Variants in CENPE observed in about 807,000 individuals in gnomAD.
CENPE encodes centromere protein E.
Under a neutral mutation model 336.1 loss-of-function variants are expected in CENPE, and 145 were observed. The ratio of observed to expected loss-of-function variants is 0.43; its 90% confidence interval spans 0.38 to 0.50. The LOEUF is 0.50. Among genes scored for constraint, CENPE ranks in the 20% least tolerant of loss-of-function variants. The pLI is 0.00. For synonymous variants in CENPE, 1,013 were observed against 984.8 expected (o/e 1.03, Z -0.54); for missense variants, 2,719 against 3,023.3 (o/e 0.90, Z 2.36).
chr4:103,145,255 T>C lies in CENPE; in HGVS notation c.4652A>G (p.Lys1551Arg), dbSNP rs1752926501. The C allele has an allele frequency of 1.2e-6, 2 of 1,612,460 alleles. No homozygotes were observed. The highest frequency in any genetic ancestry group is 1.7e-5 in the Admixed American group (1 of 59,966). ...GGCTTTGCGATGCTCCTTGAATTGT[T>C]TCAGTTCATTCACTTTTTCCTGAAC... is the stretch of plus-strand genomic sequence containing the variant. ...SEVQEKVNEL[K>R]QFKEHRKAKD... The change falls in exon 32 of 49, where the codon AAA (lysine) becomes AGA (arginine). Residue 1551 changes from lysine to arginine, a missense_variant. Lys to Arg is a conservative substitution (Grantham distance 26). Coordinates refer to ENST00000265148, the MANE Select transcript of CENPE (RefSeq NM_001813.3).
At chr4:103,161,730 T>C (rs1754459315) in intron 18 of CENPE, among the ~76,000 whole-genome samples, 1 of 152,148 alleles carries the variant, frequency 6.6e-6, no homozygotes, top group East Asian at 1.9e-4. Context: ...AAAACAACTG[T>C]TGTTCGGCAA....
At chr4:103,190,258 C>G (rs1461787882) in intron 8 of CENPE, among the ~76,000 whole-genome samples, 1 of 152,170 alleles carries the variant, frequency 6.6e-6, no homozygotes, top group Non-Finnish European at 1.5e-5. Context: ...CATCAGCTAC[C>G]AATGACTTTT....
At chr4:103,120,126 T>A in intron 44 of CENPE, 22 bp downstream of exon 44, 2 of 1,531,342 alleles carry the variant, frequency 1.3e-6, no homozygotes, top group Non-Finnish European at 1.8e-6. Flanking sequence ...ACAAACAACT[T>A]TTATTTTTAT....
chr4:103,144,375 C>G lies in CENPE; in HGVS notation c.5101G>C (p.Glu1701Gln). The G allele has an allele frequency of 1.3e-5, 21 of 1,613,098 alleles. No homozygotes were observed. The highest frequency in any genetic ancestry group is 1.8e-5 in the Non-Finnish European group (21 of 1,179,744). ...LRSVEETLKV[E>Q]RDQLKENLRE... ...AGGTTTTCCTTGAGCTGGTCTCTCT[C>G]TACTTTGAGAGTCTCCTCCACACTC... Residue 1701 changes from glutamate to glutamine, a missense_variant, in exon 33 of 49, where the codon GAG (glutamate) becomes CAG (glutamine). By Grantham distance (29) the Glu-to-Gln change is conservative. Around this residue, in one of 5 missense-constraint regions of CENPE, gnomAD observed 2,437 missense variants for 2,513.3 expected, o/e 0.97. Transcript: ENST00000265148.
chr4:103,143,540 T>G (rs1752744304), intron 33 of CENPE, 134 bp from the exon 34 acceptor site: 1 of 641,362 alleles, frequency 1.6e-6, no homozygotes, highest in African/African-American at 1.9e-5. Context: ...TAAGCTACTT[T>G]TAGATGTCAA....
chr4:103,153,479 G>T (rs1753724968), intron 24 of CENPE, among the ~76,000 whole-genome samples: 1 of 152,138 alleles, frequency 6.6e-6, no homozygotes, highest in South Asian at 2.1e-4. Flanking sequence ...TCACTCAGAG[G>T]TTTAGCTAGG....
At chr4:103,145,759 A>G in intron 30 of CENPE, 70 bp downstream of exon 30, 1 of 1,517,916 alleles carries the variant, frequency 6.6e-7, no homozygotes, top group Non-Finnish European at 8.8e-7. Flanking sequence ...CCCTTTCCAA[A>G]TATTTAGGGT....
intron 45 of CENPE, among the ~76,000 whole-genome samples, chr4:103,115,617 C>T (rs115280294): frequency 0.028 from 4,270 of 152,142 alleles, 196 homozygotes; most frequent in African/African-American, 0.094. Context: ...GTGTTAAAAG[C>T]CAGGAAGCAT....
chr4:103,160,601 A>T (rs1234358941), intron 21 of CENPE, 24 bp downstream of exon 21: 1 of 1,580,816 alleles, frequency 6.3e-7, no homozygotes, highest in South Asian at 1.2e-5. Context: ...AAAATAAGGG[A>T]TAAGTGCTTA....
At chr4:103,110,754 C>A (rs779168377) in intron 47 of CENPE, 74 bp downstream of exon 47, 5 of 1,113,326 alleles carry the variant, frequency 4.5e-6, no homozygotes, top group Non-Finnish European at 6.1e-6. Flanking sequence ...GCAAAAAATA[C>A]GTGCATATAC....
chr4:103,185,757 A>G (rs1245988949), intron 9 of CENPE, 53 bp downstream of exon 9: 1 of 1,256,584 alleles, frequency 8.0e-7, no homozygotes, highest in African/African-American at 1.5e-5. Context: ...TACTTTTTAA[A>G]CCTGTAAAAT....
Position 103,140,955 on chromosome 4 carries a change from T to G in CENPE, c.5613A>C (p.Leu1871Phe). 6.2e-7 allele frequency: 1 copy of G among 1,612,596 alleles called. No homozygotes were observed. The highest frequency in any genetic ancestry group is 8.5e-7 in the Non-Finnish European group (1 of 1,178,876). The change falls in exon 36 of 49, where the codon TTA (leucine) becomes TTC (phenylalanine). Residue 1871 changes from leucine to phenylalanine, a missense_variant. By Grantham distance (22) the Leu-to-Phe change is conservative. Transcript: ENST00000265148. ...TTTCATGAAGTTTCTGAGCCAAATTTAAATTCTCTATTTCTAATTTACTCA... is the reference window on the plus strand; with the variant it reads ...TTTCATGAAGTTTCTGAGCCAAATTGAAATTCTCTATTTCTAATTTACTCA... ...LTLSKLEIEN[L>F]NLAQKLHENL...
intron 28 of CENPE, among the ~76,000 whole-genome samples, chr4:103,147,994 G>A (rs922038244): frequency 4.6e-5 from 7 of 151,950 alleles, no homozygotes; most frequent in African/African-American, 1.7e-4. Flanking sequence ...GCATCCCACT[G>A]GCCATTATCA....
chr4:103,136,248 T>C lies in CENPE; in HGVS notation c.6415A>G (p.Lys2139Glu). The C allele has an allele frequency of 6.2e-7, 1 of 1,613,630 alleles. No individual in the cohort carries two copies. The highest frequency in any genetic ancestry group is 8.5e-7 in the Non-Finnish European group (1 of 1,179,636). ...EFQKELSMRV[K>E]ANLSLPYLQT... is the part of the protein sequence containing the mutation. ...AAATAGGGAAGTGAGAGGTTTGCTT[T>C]AACTCTCATTGAAAGCTCTTTTTGG... Residue 2139 changes from lysine to glutamate, a missense_variant, in exon 40 of 49, where the codon AAA becomes GAA. Lys to Glu is a moderately conservative substitution (Grantham distance 56). Around this residue, in one of 5 missense-constraint regions of CENPE, gnomAD observed 2,437 missense variants for 2,513.3 expected, o/e 0.97. Coordinates refer to ENST00000265148, the MANE Select transcript of CENPE (RefSeq NM_001813.3).
chr4:103,135,846 C>T (rs1752023059), intron 40 of CENPE, among the ~76,000 whole-genome samples: 1 of 152,180 alleles, frequency 6.6e-6, no homozygotes. Context: ...AACTTGCATA[C>T]ACTTCTATCA....
chr4:103,160,560 A>T, intron 21 of CENPE, 65 bp downstream of exon 21: 1 of 1,340,218 alleles, frequency 7.5e-7, no homozygotes, highest in Non-Finnish European at 1.0e-6. Flanking sequence ...CAAAATATTT[A>T]AGGCACTATT....
At position 103,153,634 on chromosome 4, in the gene CENPE, C is replaced by G. The variant is rs184490780; in HGVS notation, c.3034-384G>C. ...TCTGCATGTTTACTTATTTCAATGA[C>G]ATTAATACATTAATTAAAGGATATC... On this transcript the variant is annotated intron_variant, in intron 24 of 48. Transcript: ENST00000265148. Among the ~76,000 whole-genome samples, 139 of 152,270 alleles carry G rather than the reference C, an allele frequency of 9.1e-4. 1 individual carries two copies. The highest frequency in any genetic ancestry group is 3.4e-3 in the Middle Eastern group (1 of 294).
At chr4:103,195,803 CA>C in intron 4 of CENPE, 116 bp downstream of exon 4, 1 of 702,590 alleles carries the variant, frequency 1.4e-6, no homozygotes, top group Non-Finnish European at 2.6e-6. Context: ...CATGGATAAT[CA>C]AACAATAACT....
intron 16 of CENPE, among the ~76,000 whole-genome samples, chr4:103,163,927 T>C (rs1754692484): frequency 6.6e-6 from 1 of 152,134 alleles, no homozygotes; most frequent in South Asian, 2.1e-4. Context: ...TAGATTTTTG[T>C]TTTCAGTCAG....
Sources: allele counts gnomAD v4.1 joint callset (sites outside exome capture counted in the v4.1 genomes callset), GRCh38; gene constraint gnomAD v4.1.1; regional missense constraint gnomAD v4.1.1; transcripts MANE v1.5; gene names NCBI Gene and HGNC (gene_info 2026-07-23, HGNC 2026-07-21).